Variants in POLR2F observed in about 807,000 individuals in gnomAD.
The protein encoded by POLR2F is DNA-directed RNA polymerases I, II, and III subunit RPABC2.
In POLR2F, 12 loss-of-function variants were observed where a neutral mutation model predicts 22.7. The observed-to-expected ratio is 0.53, with a 90% confidence interval of 0.34 to 0.86. The LOEUF (loss-of-function observed/expected upper bound fraction) is 0.86. Among genes scored for constraint, POLR2F ranks in the 40% least tolerant of loss-of-function variants. The probability of loss-of-function intolerance (pLI) is 0.02; values close to 1 mark genes in which losing one functional copy is unlikely to be tolerated. For synonymous variants in POLR2F, 57 were observed against 66.0 expected, an observed-to-expected ratio of 0.86 and a Z score of 0.66; for missense variants, 126 against 171.5, an observed-to-expected ratio of 0.73 and a Z score of 1.48.
chr22:37,953,911 G>C, intron 1 of POLR2F, 104 bp downstream of exon 1: 1 of 1,348,368 alleles, frequency 7.4e-7, no homozygotes, highest in Non-Finnish European at 1.0e-6. Flanking sequence ...AATGTCTGAG[G>C]GGACTGGGGT....
chr22:37,959,947 G>C (rs1931561488), intron 3 of POLR2F, among the ~76,000 whole-genome samples: 1 of 146,806 alleles, frequency 6.8e-6, no homozygotes. Context: ...GGAATTACAG[G>C]CATGTGCCAC....
At position 37,978,150 on chromosome 22, in the gene POLR2F, G is replaced by A. The variant is rs1294713072; in HGVS notation, c.293+10980G>A. 2.9e-5 allele frequency: 45 copies of A among 1,538,254 alleles called. No homozygotes were observed. Among genetic ancestry groups the A allele is most frequent in the Non-Finnish European group, 3.8e-5 (44 of 1,143,340 alleles). ...CGTTCAGCAGCCTGGGGTGTGGTGGGAGGCGGAGAGGACAGCAGAGGGGCT... is the reference window on the plus strand; with the variant it reads ...CGTTCAGCAGCCTGGGGTGTGGTGGAAGGCGGAGAGGACAGCAGAGGGGCT... On this transcript the variant is annotated intron_variant, in intron 4 of 4. Coordinates refer to the POLR2F transcript ENST00000405557. The surrounding 1 kb of genome is among the most constrained non-coding windows in gnomAD (Gnocchi z 5.0).
chr22:38,003,613 C>T (rs923350212), intron 1 of POLR2F, among the ~76,000 whole-genome samples: 1 of 150,794 alleles, frequency 6.6e-6, no homozygotes, highest in African/African-American at 2.4e-5. Context: ...GAGTCTCACT[C>T]TTGTCACCAC....
rs1387050948 is a variant in POLR2F, at chr22:37,975,043, GTTGCCCTGTT to G, written c.293+7874_293+7883del. Among the ~76,000 whole-genome samples the G allele has an allele frequency of 2.0e-5, 3 of 152,310 alleles. No homozygotes were observed. In the East Asian group the frequency reaches 5.8e-4, roughly 29 times the overall value. ...TTAGCCCCGTCATACGCTGGCCTGT[GTTGCCCTGTT>G]GTTCTTTGAGCTGCCTTCCTCCATG... On this transcript the variant is annotated intron_variant, in intron 4 of 4. Coordinates refer to the POLR2F transcript ENST00000405557.
intron 5 of POLR2F, chr22:38,041,008 T>C (rs2085166814): frequency 5.6e-6 from 9 of 1,610,490 alleles, no homozygotes; most frequent in Non-Finnish European, 7.6e-6. Flanking sequence ...ATTTCATTCA[T>C]GTCATCCTCA....
At chr22:37,996,164 G>A (rs2084711867) in intron 1 of POLR2F, among the ~76,000 whole-genome samples, 1 of 152,208 alleles carries the variant, frequency 6.6e-6, no homozygotes, top group South Asian at 2.1e-4. Context: ...AGCCCCTGAG[G>A]ACCTAGGGAA....
chr22:37,998,182 C>G (rs1397606598), intron 1 of POLR2F, among the ~76,000 whole-genome samples: 1 of 152,144 alleles, frequency 6.6e-6, no homozygotes, highest in African/African-American at 2.4e-5. Flanking sequence ...GGGGCAGGGG[C>G]AGGGAATGAG....
downstream of POLR2F, among the ~76,000 whole-genome samples, chr22:38,029,014 C>CAGAGG (rs1247439400): frequency 6.6e-6 from 1 of 152,136 alleles, no homozygotes; most frequent in Non-Finnish European, 1.5e-5. Context: ...GAAAGGGTTT[C>CAGAGG]AGAGGAGTCC....
Position 37,968,745 on chromosome 22 carries a change from C to A in POLR2F, c.*1030C>A. 5 of 985,482 alleles carry A rather than the reference C, an allele frequency of 5.1e-6. No homozygotes were observed. The highest frequency in any genetic ancestry group is 4.8e-6 in the Non-Finnish European group (4 of 829,962). 61.0% of individuals were successfully genotyped at this position (985,482 alleles called of 1,614,324 possible). ...CTTAACCTCCATTCCACTGCCAGCT[C>A]CCCTTCAAAGAGGAGGAGCTGGGCT... is the stretch of plus-strand genomic sequence containing the variant. On this transcript the variant is annotated 3_prime_UTR_variant, in exon 5 of 5. Coordinates refer to ENST00000442738, the MANE Select transcript of POLR2F (RefSeq NM_021974.5).
Position 37,974,342 on chromosome 22 carries a change from G to T in POLR2F, c.293+7172G>T. 1 of 631,058 alleles carries T rather than the reference G, an allele frequency of 1.6e-6. No individual in the cohort carries two copies. The highest frequency in any genetic ancestry group is 1.9e-5 in the African/African-American group (1 of 53,850). The allele number at this position is 631,058 out of a possible 1,614,324, so 39.1% of individuals were successfully genotyped here. A position where few individuals can be genotyped will look rare whatever the true frequency, so the allele number is the denominator to read the frequency against. On this transcript the variant is annotated intron_variant, in intron 4 of 4. Transcript: ENST00000405557. The surrounding 1 kb of genome is among the most constrained non-coding windows in gnomAD (Gnocchi z 5.4). ...TAAGTTTCACATTTTGGCAGCATGAGTCGGGTTTTTTTTTGTTTTTTTTTT... is the reference window on the plus strand; with the variant it reads ...TAAGTTTCACATTTTGGCAGCATGATTCGGGTTTTTTTTTGTTTTTTTTTT...
At chr22:38,011,462 C>CT (rs76830973) in intron 1 of POLR2F, among the ~76,000 whole-genome samples, 3,627 of 137,332 alleles carry the variant, frequency 0.026, 64 homozygotes, top group Middle Eastern at 0.073. Flanking sequence ...GGTTATGGTT[C>CT]TTTTTTTTTT....
chr22:37,959,256 A>G, intron 2 of POLR2F, 90 bp from the exon 3 acceptor site: 1 of 1,350,894 alleles, frequency 7.4e-7, no homozygotes, highest in Non-Finnish European at 1.0e-6. Flanking sequence ...CGGTGGCTGT[A>G]GCGAGAATTG....
Position 38,009,449 on chromosome 22 carries a change from A to G in POLR2F, c.121-16420A>G, listed in dbSNP as rs558574968. ...GCAGGCCACAGTGGCAGTGGTGAGA[A>G]GTACACAGTTTCCTGGTTGGGTTTG... On this transcript the variant is annotated intron_variant, in intron 1 of 2. Coordinates refer to the POLR2F transcript ENST00000333418. Among the ~76,000 whole-genome samples the G allele has an allele frequency of 4.0e-4, 61 of 152,334 alleles. 2 individuals are homozygous for G. In the South Asian group the frequency reaches 0.012, roughly 30 times the overall value.
chr22:38,025,477 C>T lies in POLR2F; in HGVS notation c.121-392C>T, dbSNP rs946955112. 6 of 1,397,896 alleles carry T rather than the reference C, an allele frequency of 4.3e-6. No homozygotes were observed. The Admixed American group carries it at 1.3e-4, about 30-fold the overall frequency. The allele number at this position is 1,397,896 out of a possible 1,614,324, so 86.6% of individuals were successfully genotyped here. ...ACACACACGTACTCAAAGATACGAT[C>T]ACAAACACACATTCACACTCACAGT... On this transcript the variant is annotated intron_variant, in intron 1 of 2. Coordinates refer to the POLR2F transcript ENST00000333418.
chr22:38,036,767 CA>C (rs2085120019), intron 5 of POLR2F, among the ~76,000 whole-genome samples: 1 of 152,004 alleles, frequency 6.6e-6, no homozygotes, highest in Admixed American at 6.5e-5. Context: ...AGCCTTCCCC[CA>C]GCGTTCAGAG....
intron 1 of POLR2F, among the ~76,000 whole-genome samples, chr22:38,005,531 AG>A (rs1268902060): frequency 6.6e-6 from 1 of 152,256 alleles, no homozygotes; most frequent in African/African-American, 2.4e-5. Flanking sequence ...GGTGGAGGAA[AG>A]ACTGATAGCA....
chr22:38,040,251 C>T (rs1404598702), intron 5 of POLR2F: 2 of 146,492 alleles, frequency 1.4e-5, no homozygotes, highest in Non-Finnish European at 3.0e-5. Flanking sequence ...CACCATGGCA[C>T]CCCAGCCTGG....
chr22:37,960,116 T>C (rs1214799142), intron 3 of POLR2F, among the ~76,000 whole-genome samples: 1 of 152,046 alleles, frequency 6.6e-6, no homozygotes, highest in East Asian at 1.9e-4. Flanking sequence ...GGTGGTTCTT[T>C]GTTGTTTTAT....
chr22:38,011,578 T>C (rs2084872281), intron 1 of POLR2F, among the ~76,000 whole-genome samples: 2 of 152,084 alleles, frequency 1.3e-5, no homozygotes, highest in African/African-American at 4.8e-5. Flanking sequence ...ATTGACCACA[T>C]GTGTGGGTCT....
Sources: allele counts gnomAD v4.1 joint callset (sites outside exome capture counted in the v4.1 genomes callset), GRCh38; gene constraint gnomAD v4.1.1; non-coding constraint Gnocchi (gnomAD v3.1); transcripts MANE v1.5; gene names NCBI Gene and HGNC (gene_info 2026-07-23, HGNC 2026-07-21).